ARHGAP10: variants seen among roughly 807,000 people sequenced by gnomAD.
ARHGAP10 encodes Rho GTPase activating protein 10.
A neutral mutation model predicts 108.6 loss-of-function variants in ARHGAP10; 87 were observed. That is an observed-to-expected ratio of 0.80 (90% CI 0.67 to 0.96). ARHGAP10 has a LOEUF of 0.96. Ranked by LOEUF, ARHGAP10 falls within the 40% of genes least tolerant of loss-of-function variation. The probability of loss-of-function intolerance (pLI) is 0.00; values close to 1 mark genes in which losing one functional copy is unlikely to be tolerated. For synonymous variants in ARHGAP10, 347 were observed against 341.1 expected (o/e 1.02, Z -0.19); for missense variants, 939 against 954.5 (o/e 0.98, Z 0.21).
chr4:147,778,593 G>GT (rs1183973716), intron 1 of ARHGAP10, among the ~76,000 whole-genome samples: 1 of 152,176 alleles, frequency 6.6e-6, no homozygotes, highest in Non-Finnish European at 1.5e-5. Context: ...ATATGCACGT[G>GT]TTCTCTCCCT....
chr4:147,811,877 GCTTT>G (rs1440791463), intron 1 of ARHGAP10, among the ~76,000 whole-genome samples: 1 of 152,208 alleles, frequency 6.6e-6, no homozygotes, highest in Non-Finnish European at 1.5e-5. Flanking sequence ...GTACCCCTTA[GCTTT>G]TGGAGCAGAA....
At chr4:147,794,816 A>T (rs1004805204) in intron 1 of ARHGAP10, among the ~76,000 whole-genome samples, 5 of 152,144 alleles carry the variant, frequency 3.3e-5, no homozygotes, top group Non-Finnish European at 7.3e-5. Context: ...TGTTTTTTGA[A>T]ACATGATTTT....
chr4:148,045,433 C>T (rs928863919), intron 19 of ARHGAP10, among the ~76,000 whole-genome samples: 2 of 152,110 alleles, frequency 1.3e-5, no homozygotes, highest in Admixed American at 6.6e-5. Flanking sequence ...TCTTATGCTT[C>T]GTTTTTAGGA....
chr4:147,854,759 G>A (rs1304295654), intron 4 of ARHGAP10: 8 of 984,434 alleles, frequency 8.1e-6, no homozygotes, highest in Non-Finnish European at 8.4e-6. Context: ...AATTACCTGC[G>A]TTTTAAGATT....
At chr4:147,999,486 C>T (rs941537660) in intron 18 of ARHGAP10, among the ~76,000 whole-genome samples, 1 of 152,242 alleles carries the variant, frequency 6.6e-6, no homozygotes, top group Admixed American at 6.5e-5. Context: ...ACTTCCATCC[C>T]TCCGGATCCG....
intron 18 of ARHGAP10, among the ~76,000 whole-genome samples, chr4:147,985,134 G>T (rs2149630669): frequency 6.6e-6 from 1 of 152,312 alleles, no homozygotes; most frequent in South Asian, 2.1e-4. Context: ...GTATGGAGCA[G>T]AGAGGGCCCT....
At chr4:147,875,576 C>T (rs544080059) in intron 8 of ARHGAP10, among the ~76,000 whole-genome samples, 1 of 152,278 alleles carries the variant, frequency 6.6e-6, no homozygotes, top group South Asian at 2.1e-4. Flanking sequence ...TACGTCCTCT[C>T]CCTCCCATAA....
chr4:147,860,220 A>C (rs1293454911), intron 5 of ARHGAP10, among the ~76,000 whole-genome samples: 1 of 152,198 alleles, frequency 6.6e-6, no homozygotes, highest in Non-Finnish European at 1.5e-5. Flanking sequence ...AGGCGGGTGG[A>C]TCACGAGATC....
chr4:148,007,726 TCTCAA>T (rs1372061009), intron 18 of ARHGAP10, among the ~76,000 whole-genome samples: 3 of 152,330 alleles, frequency 2.0e-5, no homozygotes, highest in Admixed American at 6.5e-5. Flanking sequence ...TATACTTTCT[TCTCAA>T]GCTAAATTCC....
rs771890292 is a variant in ARHGAP10, at chr4:147,857,651, A to G, written c.483A>G (p.Gln161=). The G allele has an allele frequency of 2.7e-6, 4 of 1,473,816 alleles. No individual in the cohort carries two copies. Among genetic ancestry groups the G allele is most frequent in the Non-Finnish European group, 1.8e-6 (2 of 1,112,744 alleles). The allele number at this position is 1,473,816 out of a possible 1,614,324, so 91.3% of individuals were successfully genotyped here. ...LSAKKKDSHL[Q]EADIQVEQNR... is the part of the protein sequence containing the mutation. ...CAAAAAAGAAAGACTCACATTTACAAGAGGTATAATTTTTTATTTTTCTGT... is the reference window on the plus strand; with the variant it reads ...CAAAAAAGAAAGACTCACATTTACAGGAGGTATAATTTTTTATTTTTCTGT... The change falls in exon 5 of 23, where the codon CAA becomes CAG. Residue 161 remains glutamine, a synonymous_variant. Transcript: ENST00000336498.
intron 18 of ARHGAP10, among the ~76,000 whole-genome samples, chr4:148,013,031 A>G (rs936657695): frequency 1.8e-4 from 27 of 151,902 alleles, no homozygotes; most frequent in Non-Finnish European, 4.0e-4. Flanking sequence ...AATAAATTGT[A>G]ATTTGGGAAA....
intron 8 of ARHGAP10, among the ~76,000 whole-genome samples, chr4:147,877,183 T>A (rs561592849): frequency 6.6e-6 from 1 of 152,186 alleles, no homozygotes; most frequent in Non-Finnish European, 1.5e-5. Context: ...TAAGCTTAAA[T>A]TTTTTTTGGA....
At chr4:147,919,567 A>T (rs992429535) in intron 13 of ARHGAP10, among the ~76,000 whole-genome samples, 11 of 149,996 alleles carry the variant, frequency 7.3e-5, no homozygotes, top group Non-Finnish European at 1.5e-4. Flanking sequence ...TTTAAAAACA[A>T]TTTTTTTTTC....
intron 15 of ARHGAP10, among the ~76,000 whole-genome samples, chr4:147,948,584 T>C (rs1408641633): frequency 6.6e-6 from 1 of 152,228 alleles, no homozygotes; most frequent in African/African-American, 2.4e-5. Context: ...AACATGTTTC[T>C]TTAGCCATGC....
At chr4:147,916,485 G>A (rs1736988044) in intron 13 of ARHGAP10, 1 of 152,148 alleles carries the variant, frequency 6.6e-6, no homozygotes, top group Non-Finnish European at 1.5e-5. Flanking sequence ...TTTTAGCTTT[G>A]AGCACGAAGT....
intron 16 of ARHGAP10, 135 bp downstream of exon 16, chr4:147,955,509 G>A (rs913338608): frequency 1.4e-6 from 1 of 711,926 alleles, no homozygotes; most frequent in Non-Finnish European, 2.4e-6. Flanking sequence ...ATGATGTTTG[G>A]TGCCTCCCCT....
chr4:148,004,637 C>T (rs969225072), intron 18 of ARHGAP10, among the ~76,000 whole-genome samples: 4 of 152,188 alleles, frequency 2.6e-5, no homozygotes, highest in Non-Finnish European at 4.4e-5. Flanking sequence ...CTGAGGCAGC[C>T]GCCAGCCCAT....
chr4:147,745,226 C>G (rs1444986710), intron 1 of ARHGAP10: 2 of 152,046 alleles, frequency 1.3e-5, no homozygotes, highest in Admixed American at 6.6e-5. Flanking sequence ...GAACTGGGAG[C>G]CTGCTTGCAG....
intron 16 of ARHGAP10, among the ~76,000 whole-genome samples, chr4:147,963,894 C>T (rs1212583873): frequency 6.6e-6 from 1 of 152,182 alleles, no homozygotes; most frequent in Admixed American, 6.5e-5. Flanking sequence ...GGTCACTATC[C>T]CTCTCTTTGT....
Sources: gnomAD v4.1 joint callset for allele counts (sites outside exome capture counted in the v4.1 genomes callset) on GRCh38, gnomAD v4.1.1 for gene constraint, MANE v1.5 for transcripts, NCBI Gene and HGNC (gene_info 2026-07-23, HGNC 2026-07-21) for gene names.